MAML3: variants seen among roughly 807,000 people sequenced by gnomAD.
MAML3 encodes mastermind like transcriptional coactivator 3.
MAML3 carries 27 observed loss-of-function variants against 101.9 expected under a neutral mutation model. The observed-to-expected ratio is 0.27, with a 90% CI of 0.20 to 0.37. The LOEUF (loss-of-function observed/expected upper bound fraction) is 0.37, where lower values mean the gene tolerates loss of function less well. Ranked by LOEUF, MAML3 falls within the 10% of genes least tolerant of loss-of-function variation. The pLI, the probability that MAML3 is intolerant of heterozygous loss-of-function variation, is 1.00. For synonymous variants in MAML3, 501 were observed against 555.9 expected, an observed-to-expected ratio of 0.90 and a Z score of 1.39; for missense variants, 1,316 against 1,444.9, an observed-to-expected ratio of 0.91 and a Z score of 1.45.
intron 1 of MAML3, among the ~76,000 whole-genome samples, chr4:140,099,166 A>G (rs945814857): frequency 6.6e-6 from 1 of 151,968 alleles, no homozygotes; most frequent in Non-Finnish European, 1.5e-5. Context: ...TGTTGATAGA[A>G]TTGATAGACA....
rs145694147 is a variant in MAML3 at position 139,893,053 on chromosome 4, C to T, written c.469-2086G>A. 4.2e-3 allele frequency among the ~76,000 whole-genome samples: 635 copies of T among 152,244 alleles called. 6 individuals carry two copies. The highest frequency in any genetic ancestry group is 0.014 in the Middle Eastern group (4 of 294). ...CATCTCCTCCCCTCTTCTCCCTTAC[C>T]CTACATTTTCCATAAACTCTCTTGA... On this transcript the variant is annotated intron_variant, in intron 1 of 4. Transcript: ENST00000509479.
chr4:140,092,168 A>G (rs1728071480), intron 1 of MAML3, among the ~76,000 whole-genome samples: 2 of 147,920 alleles, frequency 1.4e-5, no homozygotes, highest in Admixed American at 1.4e-4. Context: ...GGAGGGAAAG[A>G]TGGGAACTCA....
chr4:140,020,581 A>AAGGTTTGTTTAGGGTTT (rs1726716519), intron 1 of MAML3, among the ~76,000 whole-genome samples: 4 of 152,150 alleles, frequency 2.6e-5, no homozygotes, highest in Non-Finnish European at 5.9e-5. Context: ...CTTGGCATCA[A>AAGGTTTGTTTAGGGTTT]ACTCTCTTTG....
At chr4:140,027,964 T>C (rs1194135810) in intron 1 of MAML3, among the ~76,000 whole-genome samples, 1 of 152,232 alleles carries the variant, frequency 6.6e-6, no homozygotes, top group Non-Finnish European at 1.5e-5. Context: ...TTGGCTCTAA[T>C]ACCTCATAGA....
chr4:140,058,807 A>G (rs867042104), intron 1 of MAML3, among the ~76,000 whole-genome samples: 5 of 152,276 alleles, frequency 3.3e-5, no homozygotes, highest in Middle Eastern at 3.4e-3. Context: ...GGGTCTAAAC[A>G]AGGACCTTCA....
intron 1 of MAML3, among the ~76,000 whole-genome samples, chr4:140,113,007 G>T (rs28539024): frequency 0.04 from 6,108 of 152,250 alleles, 328 homozygotes; most frequent in African/African-American, 0.12. Context: ...CTGTCCGGGC[G>T]CAGTGGCTCA....
At chr4:140,115,090 ATGCCCTAATTATGC>A (rs1267314184) in intron 1 of MAML3, among the ~76,000 whole-genome samples, 4 of 152,304 alleles carry the variant, frequency 2.6e-5, no homozygotes, top group Non-Finnish European at 5.9e-5. Context: ...TTTTAATACA[ATGCCCTAATTATGC>A]TGCTGAAGTT....
At chr4:139,953,597 T>A (rs1224817392) in intron 1 of MAML3, among the ~76,000 whole-genome samples, 3 of 152,142 alleles carry the variant, frequency 2.0e-5, no homozygotes, top group African/African-American at 7.2e-5. Flanking sequence ...CCAGCCTGGG[T>A]GATAGAGCGA....
At chr4:139,944,637 A>G (rs1733673008) in intron 1 of MAML3, among the ~76,000 whole-genome samples, 1 of 151,532 alleles carries the variant, frequency 6.6e-6, no homozygotes, top group Non-Finnish European at 1.5e-5. Context: ...AAGTGGGCAA[A>G]GGACATGAAC....
At chr4:139,991,253 C>T (rs986253393) in intron 1 of MAML3, among the ~76,000 whole-genome samples, 2 of 152,170 alleles carry the variant, frequency 1.3e-5, no homozygotes, top group Non-Finnish European at 2.9e-5. Flanking sequence ...AGTCGCGTAT[C>T]TACAACTATC....
At chr4:139,768,792 T>C (rs1168440895) in intron 2 of MAML3, among the ~76,000 whole-genome samples, 3 of 152,230 alleles carry the variant, frequency 2.0e-5, no homozygotes, top group Non-Finnish European at 4.4e-5. Flanking sequence ...CTGAAAGCTA[T>C]CGTGGCTCTC....
At chr4:139,875,562 C>G (rs2111181459) in intron 2 of MAML3, among the ~76,000 whole-genome samples, 1 of 152,250 alleles carries the variant, frequency 6.6e-6, no homozygotes, top group Non-Finnish European at 1.5e-5. Context: ...AGCGCACCAG[C>G]CACTCTCATT....
At chr4:139,950,693 C>T (rs1733816693) in intron 1 of MAML3, among the ~76,000 whole-genome samples, 1 of 152,204 alleles carries the variant, frequency 6.6e-6, no homozygotes, top group East Asian at 1.9e-4. Context: ...AGATTCTAAA[C>T]CACACGCCTT....
chr4:140,152,810 C>T (rs1326750835), intron 1 of MAML3, 50 bp downstream of exon 1: 4 of 1,573,934 alleles, frequency 2.5e-6, no homozygotes, highest in Non-Finnish European at 2.6e-6. Context: ...CCCCCACCAC[C>T]ACCACCACCC....
intron 1 of MAML3, among the ~76,000 whole-genome samples, chr4:139,930,844 A>T (rs563361438): frequency 2.6e-5 from 4 of 152,028 alleles, no homozygotes; most frequent in Admixed American, 2.0e-4. Context: ...AACTGATTTC[A>T]TGATTTTTTT....
chr4:139,746,030 C>T (rs914457782), intron 2 of MAML3, among the ~76,000 whole-genome samples: 23 of 152,146 alleles, frequency 1.5e-4, no homozygotes, highest in East Asian at 1.9e-4. Context: ...CAAGTAATAA[C>T]GAAAGTTCTA....
chr4:139,918,301 G>T (rs1008458937), intron 1 of MAML3, among the ~76,000 whole-genome samples: 1 of 152,152 alleles, frequency 6.6e-6, no homozygotes, highest in Admixed American at 6.5e-5. Context: ...ATGGTCTGGT[G>T]TCTCCCAGCT....
chr4:139,979,223 T>C (rs547474017), intron 1 of MAML3, among the ~76,000 whole-genome samples: 1 of 152,312 alleles, frequency 6.6e-6, no homozygotes, highest in Non-Finnish European at 1.5e-5. Context: ...GTAAATAAAA[T>C]TTTAAACATT....
chr4:140,151,697 G>GGGT (rs200519215), intron 1 of MAML3, among the ~76,000 whole-genome samples: 12,405 of 151,194 alleles, frequency 0.082, 866 homozygotes, highest in East Asian at 0.25. Context: ...GTGCGGGGGG[G>GGGT]GGGGGCACAC....
Sources: gnomAD v4.1 joint callset for allele counts (sites outside exome capture counted in the v4.1 genomes callset) on GRCh38, gnomAD v4.1.1 for gene constraint, MANE v1.5 for transcripts, NCBI Gene and HGNC (gene_info 2026-07-23, HGNC 2026-07-21) for gene names.